The following IFT80 variants were observed in gnomAD, a reference collection of about 807,000 sequenced individuals.
IFT80 encodes the protein intraflagellar transport 80.
IFT80 carries 79 observed loss-of-function variants against 107.9 expected under a neutral mutation model. That is an observed-to-expected ratio of 0.73 (90% CI 0.61 to 0.88). The LOEUF (loss-of-function observed/expected upper bound fraction) is 0.88, where lower values mean the gene tolerates loss of function less well. Ranked by LOEUF, IFT80 falls within the 40% of genes least tolerant of loss-of-function variation. The pLI, the probability that IFT80 is intolerant of heterozygous loss-of-function variation, is 0.00. For missense variants in IFT80, 797 were observed against 914.2 expected (o/e 0.87, Z 1.65); for synonymous variants, 299 against 300.9 (o/e 0.99, Z 0.07).
chr3:160,299,350 G>C (rs1228007479), intron 12 of IFT80: 1 of 472,362 alleles, frequency 2.1e-6, no homozygotes, highest in Non-Finnish European at 2.9e-6. Context: ...ATTATCTGAA[G>C]TACTGAAAAT....
intron 1 of IFT80, among the ~76,000 whole-genome samples, chr3:160,398,186 C>G (rs550022790): frequency 6.6e-6 from 1 of 152,290 alleles, no homozygotes; most frequent in South Asian, 2.1e-4. Context: ...TGAGTCTACG[C>G]TTATGCAATA....
At chr3:160,306,558 A>G (rs1423760387) in intron 10 of IFT80, among the ~76,000 whole-genome samples, 1 of 152,018 alleles carries the variant, frequency 6.6e-6, no homozygotes, top group Non-Finnish European at 1.5e-5. Context: ...CCAAATTCTT[A>G]CTGTTCCTCT....
intron 12 of IFT80, among the ~76,000 whole-genome samples, chr3:160,294,209 T>C (rs117953986): frequency 6.6e-6 from 1 of 152,146 alleles, no homozygotes; most frequent in East Asian, 1.9e-4. Context: ...TGGCAGGCCT[T>C]TGTCCTTAAC....
intron 19 of IFT80, among the ~76,000 whole-genome samples, chr3:160,260,673 T>C (rs1712753613): frequency 6.6e-6 from 1 of 152,238 alleles, no homozygotes; most frequent in African/African-American, 2.4e-5. Flanking sequence ...TAGTAGGTTT[T>C]AGATAAGAAT....
chr3:160,377,781 G>T, intron 3 of IFT80: 1 of 301,090 alleles, frequency 3.3e-6, no homozygotes, highest in Non-Finnish European at 6.1e-6. Context: ...TTCATAACAG[G>T]GAAAAACCCA....
chr3:160,369,308 T>G (rs1190201885), intron 5 of IFT80, among the ~76,000 whole-genome samples: 1 of 151,932 alleles, frequency 6.6e-6, no homozygotes, highest in African/African-American at 2.4e-5. Context: ...AAATTATTTA[T>G]TTATGATAAA....
intron 9 of IFT80, among the ~76,000 whole-genome samples, chr3:160,314,540 G>C (rs1415933504): frequency 6.6e-6 from 1 of 152,172 alleles, no homozygotes; most frequent in African/African-American, 2.4e-5. Flanking sequence ...AGCAGGTCAA[G>C]GTGTAGATTT....
chr3:160,374,202 T>C (rs942438432), intron 5 of IFT80, among the ~76,000 whole-genome samples: 5 of 151,638 alleles, frequency 3.3e-5, no homozygotes, highest in African/African-American at 9.7e-5. Context: ...TCCCAACACT[T>C]TGGGAGGCTA....
At chr3:160,347,138 C>A (rs527377961) in intron 8 of IFT80, among the ~76,000 whole-genome samples, 1 of 152,290 alleles carries the variant, frequency 6.6e-6, no homozygotes, top group East Asian at 1.9e-4. Flanking sequence ...CCCACCCCCA[C>A]TGCACCACCC....
chr3:160,364,814 T>C (rs936422352), intron 6 of IFT80, among the ~76,000 whole-genome samples: 1 of 151,846 alleles, frequency 6.6e-6, no homozygotes, highest in African/African-American at 2.4e-5. Flanking sequence ...AGAACACTTG[T>C]ACACAGGACA....
intron 19 of IFT80, among the ~76,000 whole-genome samples, chr3:160,267,559 A>G (rs1713441129): frequency 6.6e-6 from 1 of 152,230 alleles, no homozygotes; most frequent in African/African-American, 2.4e-5. Context: ...CACAGCTCTT[A>G]GGAGTCAAGC....
intron 1 of IFT80, among the ~76,000 whole-genome samples, chr3:160,389,653 C>T (rs1462379896): frequency 6.6e-6 from 1 of 151,882 alleles, no homozygotes; most frequent in Non-Finnish European, 1.5e-5. Flanking sequence ...CTACAAAGGA[C>T]ATGAACTCAT....
intron 10 of IFT80, among the ~76,000 whole-genome samples, chr3:160,307,093 C>T (rs759842050): frequency 1.3e-5 from 2 of 152,090 alleles, no homozygotes; most frequent in Non-Finnish European, 2.9e-5. Flanking sequence ...ATGCTAGAGC[C>T]AGCCTGTACT....
intron 1 of IFT80, among the ~76,000 whole-genome samples, chr3:160,389,982 G>T (rs1713242785): frequency 6.6e-6 from 1 of 152,110 alleles, no homozygotes; most frequent in Non-Finnish European, 1.5e-5. Context: ...CCACATCCTG[G>T]ACTTGTTTCA....
intron 5 of IFT80, among the ~76,000 whole-genome samples, chr3:160,369,364 T>C (rs1164027596): frequency 2.0e-5 from 3 of 151,932 alleles, no homozygotes; most frequent in African/African-American, 4.8e-5. Context: ...TCCTTAACCA[T>C]TAAAAATTCA....
chr3:160,394,081 G>T (rs897657810), intron 1 of IFT80: 1 of 152,204 alleles, frequency 6.6e-6, no homozygotes, highest in African/African-American at 2.4e-5. Flanking sequence ...ATTCAGATTG[G>T]TGCCATCACA....
At chr3:160,267,875 C>A (rs1456290586) in intron 19 of IFT80, among the ~76,000 whole-genome samples, 10 of 152,126 alleles carry the variant, frequency 6.6e-5, no homozygotes, top group Admixed American at 6.6e-4. Context: ...GAATGACTTT[C>A]TTCTAATTAG....
chr3:160,357,899 T>C (rs1721208734), intron 6 of IFT80, among the ~76,000 whole-genome samples: 1 of 152,248 alleles, frequency 6.6e-6, no homozygotes, highest in Non-Finnish European at 1.5e-5. Context: ...ACTGAATGAA[T>C]ATGTTATGTA....
intron 8 of IFT80, among the ~76,000 whole-genome samples, chr3:160,333,450 TTAAAA>T (rs1719229236): frequency 2.0e-5 from 3 of 152,232 alleles, no homozygotes; most frequent in Admixed American, 6.5e-5. Context: ...AACACTAAAC[TTAAAA>T]TAAAACACGT....
Sources: gnomAD v4.1 joint callset for allele counts (sites outside exome capture counted in the v4.1 genomes callset) on GRCh38, gnomAD v4.1.1 for gene constraint, MANE v1.5 for transcripts, NCBI Gene and HGNC (gene_info 2026-07-23, HGNC 2026-07-21) for gene names.